CIMAP1B: variants seen among roughly 807,000 people sequenced by gnomAD.
CIMAP1B encodes the protein ciliary microtubule associated protein 1B.
chr22:50,532,228 C>T, the CIMAP1B span: 2 of 1,102,916 alleles, frequency 1.8e-6, no homozygotes, highest in Non-Finnish European at 2.3e-6. Flanking sequence ...ATCCCTGGCG[C>T]CAGCAAAACA....
chr22:50,531,930 G>GC, the CIMAP1B span: 1 of 1,302,658 alleles, frequency 7.7e-7, no homozygotes, highest in Non-Finnish European at 9.8e-7. Flanking sequence ...TCCCCCAGGC[G>GC]CCGTCCCACC....
the CIMAP1B span, chr22:50,531,554 G>T: frequency 1.4e-6 from 2 of 1,424,438 alleles, no homozygotes; most frequent in Non-Finnish European, 1.8e-6. Context: ...GTGGCCAGGG[G>T]CCCGGGGGTC....
chr22:50,530,471 C>T, the CIMAP1B span: 1 of 1,590,322 alleles, frequency 6.3e-7, no homozygotes, highest in South Asian at 1.1e-5. Context: ...GCCGCTCCCG[C>T]CTGGCGGGTC....
chr22:50,531,649 C>T, the CIMAP1B span: 3 of 1,378,562 alleles, frequency 2.2e-6, no homozygotes, highest in South Asian at 5.2e-5. Context: ...CGGTGCCGCG[C>T]ACGGTCATGC....
the CIMAP1B span, chr22:50,531,743 C>T: frequency 1.5e-6 from 2 of 1,369,556 alleles, no homozygotes; most frequent in Non-Finnish European, 1.9e-6. Flanking sequence ...GGCGGGGGCG[C>T]GCGGCCGCGA....
the CIMAP1B span, chr22:50,531,225 T>C: frequency 2.5e-6 from 4 of 1,612,840 alleles, no homozygotes; most frequent in African/African-American, 5.3e-5. Flanking sequence ...CACCCCAGTT[T>C]CGGGGAGCAA....
At chr22:50,530,468 C>A in the CIMAP1B span, 1 of 1,587,746 alleles carries the variant, frequency 6.3e-7, no homozygotes, top group Non-Finnish European at 8.6e-7. Flanking sequence ...GGGGCCGCTC[C>A]CGCCTGGCGG....
the CIMAP1B span, chr22:50,530,760 G>C: frequency 3.7e-6 from 6 of 1,610,256 alleles, no homozygotes; most frequent in East Asian, 4.5e-5. Context: ...TGTTGTCTTG[G>C]GGGAGCGAAG....
At chr22:50,531,855 C>T in the CIMAP1B span, 2 of 1,329,036 alleles carry the variant, frequency 1.5e-6, no homozygotes, top group African/African-American at 1.5e-5. Context: ...GCACAGACCC[C>T]CTCTCCCCTC....
the CIMAP1B span, chr22:50,530,864 C>T: frequency 6.2e-7 from 1 of 1,605,606 alleles, no homozygotes; most frequent in Non-Finnish European, 8.5e-7. Context: ...TGCGAGAGGG[C>T]AGAGGGTGCT....
chr22:50,531,256 G>A, the CIMAP1B span: 1 of 1,611,198 alleles, frequency 6.2e-7, no homozygotes, highest in Non-Finnish European at 8.5e-7. Context: ...AGGCGCACTG[G>A]GGTACGTCGC....
At chr22:50,530,616 G>C in the CIMAP1B span, 1 of 1,564,330 alleles carries the variant, frequency 6.4e-7, no homozygotes, top group South Asian at 1.2e-5. Flanking sequence ...TCCGCGCCGG[G>C]ACCCCTGGAC....
At chr22:50,531,791 A>C in the CIMAP1B span, 1 of 1,353,148 alleles carries the variant, frequency 7.4e-7, no homozygotes, top group Non-Finnish European at 9.5e-7. Flanking sequence ...CATCCGAGTT[A>C]GCGTCTGGCC....
At chr22:50,531,113 G>C in the CIMAP1B span, 2 of 1,585,740 alleles carry the variant, frequency 1.3e-6, no homozygotes, top group Non-Finnish European at 1.7e-6. Context: ...GGCGCAGGGT[G>C]GTCCCAGCTC....
chr22:50,532,144 C>T, the CIMAP1B span: 2 of 1,320,364 alleles, frequency 1.5e-6, no homozygotes, highest in Non-Finnish European at 1.9e-6. Context: ...GCGGCCCCTG[C>T]ACCGCAAATT....
the CIMAP1B span, chr22:50,530,699 G>A: frequency 6.2e-7 from 1 of 1,611,188 alleles, no homozygotes; most frequent in South Asian, 1.1e-5. Context: ...CTTGACCCTG[G>A]GCTCCAGGCC....
chr22:50,530,571 G>A, the CIMAP1B span: 3 of 1,581,452 alleles, frequency 1.9e-6, no homozygotes, highest in Non-Finnish European at 2.6e-6. Context: ...CTGCGGGCCC[G>A]GAGACACCGC....
At chr22:50,532,088 G>T in the CIMAP1B span, 2 of 1,365,422 alleles carry the variant, frequency 1.5e-6, no homozygotes, top group Non-Finnish European at 1.9e-6. Context: ...AGCGCGGGTG[G>T]GGGGCGCTTA....
At chr22:50,531,400 C>G in the CIMAP1B span, 4 of 1,132,786 alleles carry the variant, frequency 3.5e-6, no homozygotes, top group Non-Finnish European at 5.0e-6. Context: ...CACGATTTAT[C>G]AAAGCCCCGT....
Sources: gnomAD v4.1 joint callset for allele counts on GRCh38, gnomAD v4.1.1 for gene constraint, MANE v1.5 for transcripts, NCBI Gene and HGNC (gene_info 2026-07-23, HGNC 2026-07-21) for gene names.